MDGA2: variants seen among roughly 807,000 people sequenced by gnomAD.
MDGA2 encodes MAM domain-containing glycosylphosphatidylinositol anchor protein 2.
Under a neutral mutation model 117.8 loss-of-function variants are expected in MDGA2, and 40 were observed. The ratio of observed to expected loss-of-function variants is 0.34; its 90% CI spans 0.26 to 0.44. The LOEUF (loss-of-function observed/expected upper bound fraction) is 0.44. Ranked by LOEUF, MDGA2 falls within the 20% of genes least tolerant of loss-of-function variation. MDGA2 has a pLI of 1.00. For synonymous variants in MDGA2, 452 were observed against 439.0 expected (o/e 1.03, Z -0.37); for missense variants, 1,123 against 1,250.6 (o/e 0.90, Z 1.54).
At chr14:47,436,892 AAG>A (rs961463322) in intron 1 of MDGA2, among the ~76,000 whole-genome samples, 2 of 152,058 alleles carry the variant, frequency 1.3e-5, no homozygotes, top group African/African-American at 4.8e-5. Flanking sequence ...TTGCAGAAAA[AAG>A]AATGATATCT....
chr14:47,445,593 T>C lies in MDGA2; in HGVS notation c.281-144043A>G, dbSNP rs146812641. ...TTGTTATTAGGTGACAAGGAAAAGC[T>C]TCATGAAAAAAATTATTGAAAAAAC... is the stretch of plus-strand genomic sequence containing the variant. On this transcript the variant is annotated intron_variant, in intron 1 of 16. Transcript: ENST00000399232. Among the ~76,000 whole-genome samples, 124 of 152,180 alleles carry C rather than the reference T, an allele frequency of 8.1e-4. 1 individual carries two copies. Among genetic ancestry groups the C allele is most frequent in the African/African-American group, 2.9e-3 (121 of 41,538 alleles).
intron 6 of MDGA2, among the ~76,000 whole-genome samples, chr14:47,096,460 G>T (rs946213092): frequency 6.6e-6 from 1 of 151,740 alleles, no homozygotes; most frequent in Non-Finnish European, 1.5e-5. Flanking sequence ...ATTGTAATAG[G>T]GGCTCAATAA....
At chr14:47,608,041 T>C (rs1198478379) in intron 1 of MDGA2, among the ~76,000 whole-genome samples, 4 of 152,142 alleles carry the variant, frequency 2.6e-5, no homozygotes, top group Non-Finnish European at 4.4e-5. Context: ...TAAATTACTA[T>C]GATTTTCTTT....
chr14:47,501,227 A>G (rs955575806), intron 1 of MDGA2, among the ~76,000 whole-genome samples: 4 of 152,196 alleles, frequency 2.6e-5, no homozygotes, highest in African/African-American at 9.6e-5. Flanking sequence ...AGTCAAATTC[A>G]AAATGCACAA....
rs770306806 is a variant in MDGA2, at chr14:46,920,080, G to A, written c.2170C>T (p.Leu724=). 7 of 1,611,180 alleles carry A rather than the reference G, an allele frequency of 4.3e-6. No homozygotes were observed. The East Asian group carries it at 1.6e-4, about 36-fold the overall frequency. The change falls in exon 10 of 17, where the codon CTA becomes TTA. Residue 724 remains leucine (L), a synonymous_variant. Transcript: ENST00000399232. The part of the protein sequence containing the change: ...QNRHRVYSYS[L]QWTQMNPDAV... ...TCAGGATTCATCTGTGTCCACTGTAGACTGTAAGAATAAACACGGTGTCTG... is the reference window on the plus strand; with the variant it reads ...TCAGGATTCATCTGTGTCCACTGTAAACTGTAAGAATAAACACGGTGTCTG...
Position 47,061,312 on chromosome 14 carries a change from C to T in MDGA2, c.1462G>A (p.Ala488Thr). The T allele has an allele frequency of 6.2e-7, 1 of 1,613,578 alleles. No homozygotes were observed. The highest frequency in any genetic ancestry group is 8.5e-7 in the Non-Finnish European group (1 of 1,179,650). Residue 488 changes from alanine (A) to threonine (T), a missense_variant, in exon 7 of 17, where the codon GCA becomes ACA. By Grantham distance (58) the Ala-to-Thr change is moderately conservative (BLOSUM62 0). Around this residue, in one of 2 missense-constraint regions of MDGA2, gnomAD observed 890 missense variants for 1,050.3 expected, o/e 0.85. Transcript: ENST00000399232. Reference protein sequence around the residue: ...FTDFGTYTCVASLKGGGISDI... With the variant: ...FTDFGTYTCVTSLKGGGISDI... ...GATATTCCTCCTCCCTTCAGAGATG[C>T]TACACATGTGTACGTCCCAAAATCC... is the stretch of plus-strand genomic sequence containing the variant.
chr14:47,023,198 T>TAAAAAAAAAAAAAAAAAAAA (rs71985853), intron 8 of MDGA2, among the ~76,000 whole-genome samples: 3 of 102,834 alleles, frequency 2.9e-5, no homozygotes, highest in Non-Finnish European at 5.9e-5. Flanking sequence ...TTCCCACTCG[T>TAAAAAAAAAAAAAAAAAAAA]AAAAAAAAAA....
intron 1 of MDGA2, among the ~76,000 whole-genome samples, chr14:47,623,331 T>C (rs1387552135): frequency 6.6e-6 from 1 of 152,212 alleles, no homozygotes; most frequent in Non-Finnish European, 1.5e-5. Context: ...GTCTGTGATA[T>C]TCCATTGCAG....
intron 2 of MDGA2, among the ~76,000 whole-genome samples, chr14:47,278,305 A>G (rs1320602885): frequency 6.6e-6 from 1 of 152,112 alleles, no homozygotes; most frequent in African/African-American, 2.4e-5. Flanking sequence ...AAATTGACAA[A>G]TAATAATTTT....
At chr14:47,280,103 T>A (rs1042798081) in intron 2 of MDGA2, among the ~76,000 whole-genome samples, 1 of 150,904 alleles carries the variant, frequency 6.6e-6, no homozygotes, top group African/African-American at 2.4e-5. Context: ...TCACCTGAGG[T>A]AGAGAATTCA....
At chr14:46,909,108 T>C (rs1036000580) in intron 10 of MDGA2, among the ~76,000 whole-genome samples, 7 of 152,216 alleles carry the variant, frequency 4.6e-5, no homozygotes, top group Non-Finnish European at 8.8e-5. Context: ...CATGAGATCA[T>C]GGATATTTTC....
At chr14:47,503,310 T>TA (rs34858743) in intron 1 of MDGA2, among the ~76,000 whole-genome samples, 2,430 of 142,128 alleles carry the variant, frequency 0.017, 59 homozygotes, top group African/African-American at 0.059. Context: ...TTAGGTATCA[T>TA]AAAAAAAAAA....
chr14:47,135,502 T>A (rs918972860), intron 4 of MDGA2, among the ~76,000 whole-genome samples: 2 of 152,178 alleles, frequency 1.3e-5, no homozygotes, highest in Admixed American at 6.6e-5. Context: ...AGGACATACT[T>A]AAATTTTGGT....
chr14:46,998,839 G>T (rs1258744146), intron 8 of MDGA2, among the ~76,000 whole-genome samples: 11 of 151,820 alleles, frequency 7.2e-5, no homozygotes, highest in Non-Finnish European at 1.6e-4. Flanking sequence ...TTACAAATTG[G>T]ACAAGGAATT....
At chr14:46,954,410 TAAACAAAC>T (rs906078640) in intron 9 of MDGA2, among the ~76,000 whole-genome samples, 3 of 151,992 alleles carry the variant, frequency 2.0e-5, no homozygotes, top group Non-Finnish European at 4.4e-5. Context: ...CTGGGTGGCT[TAAACAAAC>T]AAACAAACAA....
At chr14:46,858,182 C>T (rs1325019818) in intron 14 of MDGA2, among the ~76,000 whole-genome samples, 3 of 150,960 alleles carry the variant, frequency 2.0e-5, no homozygotes, top group Non-Finnish European at 4.4e-5. Context: ...TCTTCAAGTT[C>T]ACTGACTTTT....
intron 14 of MDGA2, among the ~76,000 whole-genome samples, chr14:46,861,504 G>T (rs1288256231): frequency 6.6e-6 from 1 of 151,716 alleles, no homozygotes; most frequent in East Asian, 1.9e-4. Context: ...TTTTGCCTAG[G>T]TTTAAAGAAG....
rs147414842 is a variant in MDGA2, at chr14:47,177,687, T to C, written c.596-33413A>G. Among the ~76,000 whole-genome samples, 1,132 of 152,178 alleles carry C rather than the reference T, an allele frequency of 7.4e-3. 8 individuals carry two copies. The highest frequency in any genetic ancestry group is 0.012 in the Non-Finnish European group (825 of 68,002). ...AGTGGGGAGGGATAGCAGTAGGAGA[T>C]ATACCTAATGCTAAGTGACAAGTTA... On this transcript the variant is annotated intron_variant, in intron 3 of 16. Coordinates refer to ENST00000399232, the MANE Select transcript of MDGA2 (RefSeq NM_001113498.3).
intron 7 of MDGA2, among the ~76,000 whole-genome samples, chr14:47,054,505 C>T (rs1167948339): frequency 1.4e-5 from 2 of 143,258 alleles, no homozygotes; most frequent in Non-Finnish European, 3.0e-5. Context: ...GTGATGTTTC[C>T]CTTCCTGTGT....
Sources: gnomAD v4.1 joint callset for allele counts (sites outside exome capture counted in the v4.1 genomes callset) on GRCh38, gnomAD v4.1.1 for gene constraint, gnomAD v4.1.1 regional missense constraint, MANE v1.5 for transcripts, NCBI Gene and HGNC (gene_info 2026-07-23, HGNC 2026-07-21) for gene names.